TUSC3: variants seen among roughly 807,000 people sequenced by gnomAD.
The protein encoded by TUSC3 is tumor suppressor candidate 3, also known as dolichyl-diphosphooligosaccharide--protein glycosyltransferase subunit TUSC3.
Under a neutral mutation model 44.8 loss-of-function variants are expected in TUSC3, and 45 were observed. The ratio of observed to expected loss-of-function variants is 1.00; its 90% CI spans 0.79 to 1.29. TUSC3 has a LOEUF of 1.29. Among genes scored for constraint, TUSC3 ranks in the 50% most tolerant of loss-of-function variants. The probability of loss-of-function intolerance (pLI) is 0.00; values close to 1 mark genes in which losing one functional copy is unlikely to be tolerated. For synonymous variants in TUSC3, 212 were observed against 152.9 expected, an observed-to-expected ratio of 1.39 and a Z score of -2.85; for missense variants, 519 against 437.9, an observed-to-expected ratio of 1.19 and a Z score of -1.65.
rs182781613 is a variant in TUSC3, at chr8:15,430,503, C to G, written n.91+13198C>G. On this transcript the variant is annotated intron_variant and non_coding_transcript_variant, in intron 1 of 5. Transcript: ENST00000503191. ...TCAAAATAATAAGAGCTGTCTATGA[C>G]AGACCCACAGCCAATATCGTACTGA... 4.9e-3 allele frequency among the ~76,000 whole-genome samples: 738 copies of G among 150,718 alleles called. 7 individuals carry two copies. The highest frequency in any genetic ancestry group is 7.6e-3 in the Non-Finnish European group (516 of 67,888).
At chr8:15,458,868 G>A (rs1056902373) in intron 1 of TUSC3, among the ~76,000 whole-genome samples, 1 of 152,158 alleles carries the variant, frequency 6.6e-6, no homozygotes, top group African/African-American at 2.4e-5. Flanking sequence ...TAGCTTTACA[G>A]GTGGCAAAGT....
the TUSC3 span, among the ~76,000 whole-genome samples, chr8:15,793,525 AC>A: frequency 1.3e-5 from 2 of 151,852 alleles, no homozygotes; most frequent in Non-Finnish European, 2.9e-5. Context: ...TGTTCCCTAC[AC>A]CCTGTGTAAA....
intron 6 of TUSC3, among the ~76,000 whole-genome samples, chr8:15,702,356 C>A (rs1809443078): frequency 6.6e-6 from 1 of 152,092 alleles, no homozygotes; most frequent in South Asian, 2.1e-4. Context: ...ATGAGACAGC[C>A]AATTTTAGCT....
At chr8:15,771,091 CAGAA>C (rs1470926069), downstream of TUSC3, among the ~76,000 whole-genome samples, 1 of 152,132 alleles carries the variant, frequency 6.6e-6, no homozygotes, top group African/African-American at 2.4e-5. Context: ...GCCATTAAGG[CAGAA>C]AGGCATTTTA....
the TUSC3 span, among the ~76,000 whole-genome samples, chr8:15,824,103 G>A: frequency 6.6e-6 from 1 of 152,206 alleles, no homozygotes; most frequent in Non-Finnish European, 1.5e-5. Flanking sequence ...GGAAGAAGAT[G>A]AGGCCCAGTA....
intron 6 of TUSC3, among the ~76,000 whole-genome samples, chr8:15,715,004 G>C (rs1338982156): frequency 6.6e-6 from 1 of 152,136 alleles, no homozygotes; most frequent in East Asian, 1.9e-4. Context: ...CGTTGCATTT[G>C]AATGCAGGTG....
At chr8:15,523,706 G>GTATATATATATATATATATATATATATA (rs1554509643) in intron 2 of TUSC3, among the ~76,000 whole-genome samples, 5 of 112,832 alleles carry the variant, frequency 4.4e-5, no homozygotes, top group Non-Finnish European at 7.0e-5. Context: ...GTGTGTGTGT[G>GTATATATATATATATATATATATATATA]TGTATATATA....
At chr8:15,806,635 G>T in the TUSC3 span, 1 of 1,359,204 alleles carries the variant, frequency 7.4e-7, no homozygotes, top group South Asian at 1.2e-5. Context: ...CAGTGTCATG[G>T]ACTTCAGGCT....
the TUSC3 span, among the ~76,000 whole-genome samples, chr8:15,784,529 TAC>T: frequency 6.6e-6 from 1 of 151,932 alleles, no homozygotes; most frequent in Non-Finnish European, 1.5e-5. Flanking sequence ...TATATATATA[TAC>T]ATATGTGTGT....
chr8:15,460,503 CTG>C (rs1358158206), intron 1 of TUSC3, among the ~76,000 whole-genome samples: 1 of 152,126 alleles, frequency 6.6e-6, no homozygotes, highest in Admixed American at 6.5e-5. Context: ...ACTCTGCTGA[CTG>C]TTCCTTTTGC....
In TUSC3 at chr8:15,705,709, G is replaced by A. The variant is rs142689861; in HGVS notation, c.799-24957G>A. Among the ~76,000 whole-genome samples, 1,060 of 152,096 alleles carry A rather than the reference G, an allele frequency of 7.0e-3. 15 individuals are homozygous for A. The highest frequency in any genetic ancestry group is 0.024 in the African/African-American group (1,001 of 41,518). On this transcript the variant is annotated intron_variant, in intron 6 of 10. Transcript: ENST00000503731. ...CTCTTCATCTCTTCAATATTTAGTG[G>A]TCTTTGTGCCTCTCTCCTGCATAGT...
chr8:15,476,661 A>C (rs1478708031), intron 1 of TUSC3, among the ~76,000 whole-genome samples: 1 of 152,240 alleles, frequency 6.6e-6, no homozygotes, highest in Non-Finnish European at 1.5e-5. Context: ...ATGAAGCAAC[A>C]AAAGCAGAGA....
intron 6 of TUSC3, among the ~76,000 whole-genome samples, chr8:15,729,795 A>G (rs766821206): frequency 2.0e-5 from 3 of 152,048 alleles, no homozygotes; most frequent in Non-Finnish European, 4.4e-5. Context: ...TCATTTGTAC[A>G]TCAAATTCCG....
chr8:15,487,325 T>C (rs182586142), intron 2 of TUSC3, among the ~76,000 whole-genome samples: 1 of 152,178 alleles, frequency 6.6e-6, no homozygotes. Context: ...TGTCTCGTGA[T>C]TTATTTCCTC....
intron 1 of TUSC3, among the ~76,000 whole-genome samples, chr8:15,591,546 G>A (rs992801341): frequency 2.0e-5 from 3 of 152,222 alleles, no homozygotes; most frequent in Admixed American, 6.5e-5. Context: ...AGTATCAAGC[G>A]AGTAAGCATA....
At chr8:15,675,970 G>A (rs563324073) in intron 6 of TUSC3, among the ~76,000 whole-genome samples, 25 of 152,118 alleles carry the variant, frequency 1.6e-4, no homozygotes, top group African/African-American at 5.3e-4. Flanking sequence ...TCGCTGGGTC[G>A]AACGGTAGTT....
chr8:15,796,463 A>G, the TUSC3 span, among the ~76,000 whole-genome samples: 1 of 152,230 alleles, frequency 6.6e-6, no homozygotes, highest in Admixed American at 6.5e-5. Context: ...ACCAAGGACT[A>G]TACTGGCCAG....
At chr8:15,524,215 A>C (rs969594107) in intron 2 of TUSC3, among the ~76,000 whole-genome samples, 1 of 152,146 alleles carries the variant, frequency 6.6e-6, no homozygotes, top group Non-Finnish European at 1.5e-5. Flanking sequence ...TTAAAAATAC[A>C]AATATTAAAT....
the TUSC3 span, among the ~76,000 whole-genome samples, chr8:15,830,984 T>G: frequency 6.8e-6 from 1 of 146,700 alleles, no homozygotes; most frequent in Non-Finnish European, 1.5e-5. Flanking sequence ...TGCTGGCATG[T>G]GCAAGCAAGG....
Sources: allele counts gnomAD v4.1 joint callset (sites outside exome capture counted in the v4.1 genomes callset), GRCh38; gene constraint gnomAD v4.1.1; transcripts MANE v1.5; gene names NCBI Gene and HGNC (gene_info 2026-07-23, HGNC 2026-07-21).